The following SMAP1 variants were observed in gnomAD, a reference collection of about 807,000 sequenced individuals.
The protein encoded by SMAP1 is small ArfGAP 1.
A neutral mutation model predicts 58.5 loss-of-function variants in SMAP1; 24 were observed. The observed-to-expected ratio is 0.41, with a 90% CI of 0.30 to 0.58. The LOEUF is 0.58. Among genes scored for constraint, SMAP1 ranks in the 20% least tolerant of loss-of-function variants. The pLI, the probability that SMAP1 is intolerant of heterozygous loss-of-function variation, is 0.29. For missense variants in SMAP1, 563 were observed against 566.3 expected, an observed-to-expected ratio of 0.99 and a Z score of 0.06; for synonymous variants, 216 against 196.6, an observed-to-expected ratio of 1.10 and a Z score of -0.82.
intron 2 of SMAP1, among the ~76,000 whole-genome samples, chr6:70,748,695 C>G (rs747898799): frequency 7.2e-5 from 11 of 152,008 alleles, no homozygotes; most frequent in Non-Finnish European, 1.5e-4. Flanking sequence ...ATTACTATAG[C>G]CCCTTCTAAT....
chr6:70,777,838 C>T (rs902122177), intron 4 of SMAP1, among the ~76,000 whole-genome samples: 5 of 151,844 alleles, frequency 3.3e-5, no homozygotes, highest in Admixed American at 6.6e-5. Flanking sequence ...CTGCAACCTC[C>T]GCCTCCTGGG....
chr6:70,729,221 C>T (rs954930010), intron 1 of SMAP1, among the ~76,000 whole-genome samples: 1 of 151,932 alleles, frequency 6.6e-6, no homozygotes, highest in African/African-American at 2.4e-5. Flanking sequence ...GGGCGGATCA[C>T]GAGGTCAGGA....
At chr6:70,718,437 G>A (rs1009482936) in intron 1 of SMAP1, among the ~76,000 whole-genome samples, 1 of 152,118 alleles carries the variant, frequency 6.6e-6, no homozygotes, top group African/African-American at 2.4e-5. Context: ...AAGCAATGTT[G>A]GAGGGAGGAA....
At chr6:70,723,986 AG>A (rs1768647108) in intron 1 of SMAP1, among the ~76,000 whole-genome samples, 1 of 152,088 alleles carries the variant, frequency 6.6e-6, no homozygotes, top group Non-Finnish European at 1.5e-5. Flanking sequence ...TGAAAAAAAA[AG>A]ATTGCAATGA....
rs577557538 is a variant in SMAP1, at chr6:70,717,673, G to A, written c.119-14705G>A. On this transcript the variant is annotated intron_variant, in intron 1 of 10. Transcript: ENST00000370455. ...CTTCTGTGGGAGGAAGTAAAGCTAC[G>A]GGCTTCCTTTTCCATCATCTTGCTG... Among the ~76,000 whole-genome samples, 289 of 152,238 alleles carry A rather than the reference G, an allele frequency of 1.9e-3. 3 individuals carry two copies. The highest frequency in any genetic ancestry group is 3.6e-3 in the Admixed American group (55 of 15,292).
chr6:70,797,619 A>C (rs1768657920), intron 5 of SMAP1, among the ~76,000 whole-genome samples: 1 of 152,056 alleles, frequency 6.6e-6, no homozygotes, highest in African/African-American at 2.4e-5. Context: ...TATTTCTCTC[A>C]CATTATGGCC....
chr6:70,786,747 A>G (rs952349661), intron 4 of SMAP1, among the ~76,000 whole-genome samples: 1 of 152,178 alleles, frequency 6.6e-6, no homozygotes, highest in African/African-American at 2.4e-5. Flanking sequence ...CAACTTACAA[A>G]GGATGTGAAG....
At chr6:70,785,970 G>C (rs2149933074) in intron 4 of SMAP1, among the ~76,000 whole-genome samples, 1 of 148,378 alleles carries the variant, frequency 6.7e-6, no homozygotes, top group South Asian at 2.2e-4. Flanking sequence ...GCATCATCCT[G>C]ATACCAAAGC....
intron 4 of SMAP1, among the ~76,000 whole-genome samples, chr6:70,788,914 T>A (rs1431519592): frequency 1.3e-5 from 2 of 152,148 alleles, no homozygotes; most frequent in Non-Finnish European, 2.9e-5. Flanking sequence ...GGAGCAAGAT[T>A]TGGGGCAAGG....
chr6:70,774,251 G>A (rs143356695), intron 4 of SMAP1, among the ~76,000 whole-genome samples: 87 of 152,252 alleles, frequency 5.7e-4, no homozygotes, highest in African/African-American at 1.9e-3. Flanking sequence ...AATGACACAG[G>A]ACTGTTATGT....
chr6:70,735,295 C>T (rs747834333), intron 2 of SMAP1, among the ~76,000 whole-genome samples: 36 of 152,036 alleles, frequency 2.4e-4, no homozygotes, highest in Non-Finnish European at 4.6e-4. Flanking sequence ...CCAGTCAAGT[C>T]CCCCAGGGGC....
At chr6:70,762,803 A>G (rs958748277) in intron 3 of SMAP1, among the ~76,000 whole-genome samples, 1 of 152,256 alleles carries the variant, frequency 6.6e-6, no homozygotes, top group Non-Finnish European at 1.5e-5. Flanking sequence ...TATACTTCCT[A>G]GAGATAAGTT....
chr6:70,834,153 CAGAT>C (rs1770473514), intron 6 of SMAP1, among the ~76,000 whole-genome samples: 1 of 152,078 alleles, frequency 6.6e-6, no homozygotes, highest in African/African-American at 2.4e-5. Context: ...CAAACTATGA[CAGAT>C]AGTTTCATAC....
At chr6:70,669,865 C>T (rs2128546351) in intron 1 of SMAP1, among the ~76,000 whole-genome samples, 1 of 152,072 alleles carries the variant, frequency 6.6e-6, no homozygotes, top group South Asian at 2.1e-4. Context: ...AAATTTCTGT[C>T]TCCAAAAAAG....
At chr6:70,849,725 TGTG>T (rs1771115733) in intron 7 of SMAP1, among the ~76,000 whole-genome samples, 1 of 152,248 alleles carries the variant, frequency 6.6e-6, no homozygotes, top group Admixed American at 6.5e-5. Context: ...TTTTTAAACT[TGTG>T]GTAAAACACA....
At chr6:70,742,262 C>T (rs1175629488) in intron 2 of SMAP1, among the ~76,000 whole-genome samples, 4 of 152,162 alleles carry the variant, frequency 2.6e-5, no homozygotes, top group Non-Finnish European at 5.9e-5. Context: ...CTCCGTTTCC[C>T]CTTTAAAATT....
chr6:70,720,513 A>G (rs1768475669), intron 1 of SMAP1, among the ~76,000 whole-genome samples: 1 of 151,770 alleles, frequency 6.6e-6, no homozygotes, highest in African/African-American at 2.4e-5. Flanking sequence ...CCCAGTAGGG[A>G]CTCTGTGTGG....
chr6:70,861,249 G>A lies in SMAP1; in HGVS notation c.*915G>A. 1.1e-5 allele frequency: 2 copies of A among 176,434 alleles called. No homozygotes were observed. Among genetic ancestry groups the A allele is most frequent in the Admixed American group, 1.1e-4 (2 of 18,204 alleles). The allele number at this position is 176,434 out of a possible 1,614,324, so 10.9% of individuals were successfully genotyped here. A position where few individuals can be genotyped will look rare whatever the true frequency, so the allele number is the denominator to read the frequency against. ...AAATTACTTAGTATTGCAAAGTCAG[G>A]AATCATCAGGAACGTTTAGCTGACA... On this transcript the variant is annotated 3_prime_UTR_variant, in exon 11 of 11. Coordinates refer to ENST00000370455, the MANE Select transcript of SMAP1 (RefSeq NM_001044305.3).
chr6:70,828,596 C>T (rs1770234797), intron 6 of SMAP1, among the ~76,000 whole-genome samples: 1 of 152,132 alleles, frequency 6.6e-6, no homozygotes, highest in Admixed American at 6.5e-5. Context: ...CTTTTCACTA[C>T]CCCCATTGAA....
Sources: gnomAD v4.1 joint callset for allele counts (sites outside exome capture counted in the v4.1 genomes callset) on GRCh38, gnomAD v4.1.1 for gene constraint, MANE v1.5 for transcripts, NCBI Gene and HGNC (gene_info 2026-07-23, HGNC 2026-07-21) for gene names.